KCNG2: variants seen among roughly 807,000 people sequenced by gnomAD.
KCNG2 encodes the protein voltage-gated potassium channel regulatory subunit KCNG2.
In KCNG2, 7 loss-of-function variants were observed where a neutral mutation model predicts 12.3. That is an observed-to-expected ratio of 0.57 (90% confidence interval 0.32 to 1.07). KCNG2 has a LOEUF of 1.07. Ranked by LOEUF, KCNG2 falls within the 50% of genes least tolerant of loss-of-function variation. KCNG2 has a pLI of 0.04. For synonymous variants in KCNG2, 414 were observed against 351.4 expected (o/e 1.18, Z -1.99); for missense variants, 703 against 726.0 (o/e 0.97, Z 0.36).
chr18:79,828,551 GTGTC>G (rs1170776628), intron 1 of KCNG2, among the ~76,000 whole-genome samples: 7 of 151,830 alleles, frequency 4.6e-5, no homozygotes, highest in Admixed American at 2.0e-4. Flanking sequence ...GTGCATCTGT[GTGTC>G]TATCTGTGTG....
intron 1 of KCNG2, among the ~76,000 whole-genome samples, chr18:79,799,733 A>T (rs2087392720): frequency 6.6e-6 from 1 of 152,258 alleles, no homozygotes; most frequent in Non-Finnish European, 1.5e-5. Flanking sequence ...CAGCTGCCAC[A>T]GGCAGGAGGC....
rs746777239 is a variant in KCNG2 at position 79,863,964 on chromosome 18, G to A, written c.297G>A (p.Leu99=). 3.1e-6 allele frequency: 4 copies of A among 1,275,092 alleles called. No individual in the cohort carries two copies. Among genetic ancestry groups the A allele is most frequent in the Admixed American group, 3.5e-5 (1 of 28,192 alleles). The allele number at this position is 1,275,092 out of a possible 1,614,324, so 79.0% of individuals were successfully genotyped here. The change falls in exon 3 of 4, where the codon CTG becomes CTA. Residue 99 remains leucine, a synonymous_variant. Coordinates refer to ENST00000316249, the MANE Select transcript of KCNG2 (RefSeq NM_012283.2). ...GACTGCTGCGGGGCCCGTGCGCGCT[G>A]GCCTTCCGCGACGAGCTGGCCTACT... ...KLRLLRGPCA[L]AFRDELAYWG...
intron 1 of KCNG2, among the ~76,000 whole-genome samples, chr18:79,826,694 C>A (rs998376967): frequency 7.0e-6 from 1 of 143,538 alleles, no homozygotes; most frequent in African/African-American, 2.6e-5. Context: ...CAGCTCCTCA[C>A]GGAAGGTTAG....
intron 3 of KCNG2, among the ~76,000 whole-genome samples, chr18:79,889,673 T>C (rs1980677757): frequency 6.6e-6 from 1 of 152,238 alleles, no homozygotes; most frequent in African/African-American, 2.4e-5. Context: ...TCCTGTCATT[T>C]GTGAACCAAC....
intron 1 of KCNG2, among the ~76,000 whole-genome samples, chr18:79,853,866 G>A (rs2123052234): frequency 6.6e-6 from 1 of 152,268 alleles, no homozygotes; most frequent in East Asian, 1.9e-4. Context: ...CACTACTTGA[G>A]TGGCAGGTGC....
At chr18:79,835,006 T>G (rs964875259) in intron 1 of KCNG2, among the ~76,000 whole-genome samples, 5 of 152,188 alleles carry the variant, frequency 3.3e-5, no homozygotes, top group Admixed American at 3.3e-4. Context: ...GCCACCCATA[T>G]GGGGAGCAGT....
At chr18:79,877,764 T>C (rs1004614175) in intron 3 of KCNG2, among the ~76,000 whole-genome samples, 16 of 152,354 alleles carry the variant, frequency 1.1e-4, no homozygotes, top group Admixed American at 2.0e-4. Flanking sequence ...TCGGTCCTTC[T>C]GTTTACTGTC....
Position 79,899,329 on chromosome 18 carries a change from CGCT to C in KCNG2, c.916_918del (p.Leu306del). 6.4e-7 allele frequency: 1 copy of C among 1,552,534 alleles called. No individual in the cohort carries two copies. ...TACGTGATGCGCCTGGCGCGCCACTCGCTGGGGCTGCGTTCGCTGGGCCTGACC... is the reference window on the plus strand; with the variant it reads ...TACGTGATGCGCCTGGCGCGCCACTCGGGGCTGCGTTCGCTGGGCCTGACC... On this transcript the variant is annotated inframe_deletion, in exon 4 of 4. Coordinates refer to ENST00000316249, the MANE Select transcript of KCNG2 (RefSeq NM_012283.2).
At chr18:79,864,318 C>G (rs1181327031) in intron 3 of KCNG2, 27 bp downstream of exon 3, 14 of 1,378,442 alleles carry the variant, frequency 1.0e-5, no homozygotes, top group Non-Finnish European at 1.2e-5. Context: ...GTGGCGGGGA[C>G]CGGGCCGGAG....
chr18:79,844,163 A>C (rs1021685784), intron 1 of KCNG2, among the ~76,000 whole-genome samples: 3 of 152,174 alleles, frequency 2.0e-5, no homozygotes, highest in African/African-American at 7.2e-5. Flanking sequence ...AAATCCACCT[A>C]AGTGCCCATT....
chr18:79,835,972 G>A (rs1414109206), intron 1 of KCNG2, among the ~76,000 whole-genome samples: 1 of 152,158 alleles, frequency 6.6e-6, no homozygotes, highest in Non-Finnish European at 1.5e-5. Context: ...CAGAAATAAA[G>A]AACAGAGAAC....
chr18:79,809,808 T>A (rs1322992024), intron 1 of KCNG2, among the ~76,000 whole-genome samples: 3 of 152,256 alleles, frequency 2.0e-5, no homozygotes, highest in Admixed American at 1.3e-4. Context: ...TGTGGTCACC[T>A]CGTCCAGAAA....
At position 79,899,754 on chromosome 18, in the gene KCNG2, C is replaced by T. The variant is rs890112167; in HGVS notation, c.1339C>T (p.Pro447Ser). 2 of 1,572,948 alleles carry T rather than the reference C, an allele frequency of 1.3e-6. No homozygotes were observed. Among genetic ancestry groups the T allele is most frequent in the African/African-American group, 2.8e-5 (2 of 72,048 alleles). ...ATATEDSSQG[P>S]DSAGLADDSA... ...AGCCACCGAGGACAGCTCGCAGGGC[C>T]CCGACAGCGCGGGCCTGGCCGACGA... The change falls in exon 4 of 4, where the codon CCC becomes TCC. Residue 447 changes from proline to serine, a missense_variant. Pro to Ser is a moderately conservative substitution (Grantham distance 74, BLOSUM62 -1). Transcript: ENST00000316249.
rs1021514430 is a variant in KCNG2, at chr18:79,803,043, T to C, written c.-115+5029T>C. Among the ~76,000 whole-genome samples, 2 of 152,118 alleles carry C rather than the reference T, an allele frequency of 1.3e-5. No individual in the cohort carries two copies. The highest frequency in any genetic ancestry group is 4.8e-5 in the African/African-American group (2 of 41,422). On this transcript the variant is annotated intron_variant, in intron 1 of 3. Coordinates refer to ENST00000316249, the MANE Select transcript of KCNG2 (RefSeq NM_012283.2). The surrounding 1 kb of genome is among the most constrained non-coding windows in gnomAD (Gnocchi z 4.5). ...AAACACAAAAATTAGCCGGGCATGGTGGCAGGCACCTGTAATTCCAGCTGC... is the reference window on the plus strand; with the variant it reads ...AAACACAAAAATTAGCCGGGCATGGCGGCAGGCACCTGTAATTCCAGCTGC...
At chr18:79,877,055 G>A (rs1477026329) in intron 3 of KCNG2, among the ~76,000 whole-genome samples, 1 of 152,210 alleles carries the variant, frequency 6.6e-6, no homozygotes, top group Non-Finnish European at 1.5e-5. Flanking sequence ...CTAGGCAAAG[G>A]CCTGTTGTGC....
At position 79,822,792 on chromosome 18, in the gene KCNG2, T is replaced by C. The variant is rs896632197; in HGVS notation, c.-115+24778T>C. ...CTGCTGCGTGTGGCTCTTCTAGTCT[T>C]TAGCCTCCGGATTTCATGGAAACAC... On this transcript the variant is annotated intron_variant, in intron 1 of 3. Transcript: ENST00000316249. This position sits in a 1 kb window ranked among gnomAD's most constrained non-coding sequence, Gnocchi z 4.4. 6.6e-6 allele frequency among the ~76,000 whole-genome samples: 1 copy of C among 152,134 alleles called. No homozygotes were observed. Among genetic ancestry groups the C allele is most frequent in the African/African-American group, 2.4e-5 (1 of 41,440 alleles).
At chr18:79,834,338 T>C (rs1036539036) in intron 1 of KCNG2, among the ~76,000 whole-genome samples, 3 of 152,230 alleles carry the variant, frequency 2.0e-5, no homozygotes, top group Admixed American at 6.5e-5. Flanking sequence ...ATTATGGTTT[T>C]AGACTCTCAG....
At chr18:79,869,905 A>C (rs1325021442) in intron 3 of KCNG2, among the ~76,000 whole-genome samples, 1 of 152,242 alleles carries the variant, frequency 6.6e-6, no homozygotes. Flanking sequence ...GACGGCCCGC[A>C]GCCGTGGCAT....
chr18:79,861,822 A>G (rs2123063492), intron 2 of KCNG2, among the ~76,000 whole-genome samples: 1 of 152,150 alleles, frequency 6.6e-6, no homozygotes, highest in Admixed American at 6.5e-5. Flanking sequence ...CGTTTTCTTC[A>G]CTTGTTTTCT....
Sources: gnomAD v4.1 joint callset for allele counts (sites outside exome capture counted in the v4.1 genomes callset) on GRCh38, gnomAD v4.1.1 for gene constraint, Gnocchi (gnomAD v3.1) non-coding constraint, MANE v1.5 for transcripts, NCBI Gene and HGNC (gene_info 2026-07-23, HGNC 2026-07-21) for gene names.